The following RABGAP1L variants were observed in gnomAD, a reference collection of about 807,000 sequenced individuals.
RABGAP1L encodes the protein RAB GTPase activating protein 1 like.
In RABGAP1L, 63 loss-of-function variants were observed where a neutral mutation model predicts 137.7. That is an observed-to-expected ratio of 0.46 (90% CI 0.37 to 0.56). RABGAP1L has a LOEUF of 0.56. Ranked by LOEUF, RABGAP1L falls within the 20% of genes least tolerant of loss-of-function variation. The pLI is 0.00. For synonymous variants in RABGAP1L, 431 were observed against 433.7 expected (o/e 0.99, Z 0.08); for missense variants, 1,095 against 1,244.0 (o/e 0.88, Z 1.80).
At chr1:174,652,487 C>T (rs332805) in intron 14 of RABGAP1L, among the ~76,000 whole-genome samples, 88,217 of 152,038 alleles carry the variant, frequency 0.58, 27,921 homozygotes, top group African/African-American at 0.85. Flanking sequence ...GGCGTTTTTG[C>T]GTGGATGTCC....
In RABGAP1L at chr1:174,454,268, AAAG is replaced by A. The variant is rs199568619; in HGVS notation, c.1710+60132_1710+60134del. ...CAGAGTGAGGCTCCATTTCAAAAAAAAAGAAGAAGAATGCGGAATATTTAAAAA... is the reference window on the plus strand; with the variant it reads ...CAGAGTGAGGCTCCATTTCAAAAAAAAAGAAGAATGCGGAATATTTAAAAA... On this transcript the variant is annotated intron_variant, in intron 13 of 25. Coordinates refer to ENST00000681986, the MANE Select transcript of RABGAP1L (RefSeq NM_001366446.1). Among the ~76,000 whole-genome samples the A allele has an allele frequency of 1.1e-3, 162 of 152,308 alleles. No individual in the cohort carries two copies. The East Asian group carries it at 0.024, about 23-fold the overall frequency.
At chr1:174,962,205 C>CCCCCA (rs1553295731) in intron 20 of RABGAP1L, among the ~76,000 whole-genome samples, 1 of 136,732 alleles carries the variant, frequency 7.3e-6, no homozygotes, top group African/African-American at 3.0e-5. Flanking sequence ...CACCCCCCCC[C>CCCCCA]CACACACACA....
chr1:174,174,296 G>T (rs1264025659), intron 1 of RABGAP1L, among the ~76,000 whole-genome samples: 2 of 151,854 alleles, frequency 1.3e-5, no homozygotes, highest in Non-Finnish European at 2.9e-5. Context: ...AGCTTTAAGG[G>T]TATCAAATGT....
intron 12 of RABGAP1L, among the ~76,000 whole-genome samples, chr1:174,371,596 T>A (rs1685115733): frequency 6.6e-6 from 1 of 152,118 alleles, no homozygotes; most frequent in Admixed American, 6.5e-5. Context: ...CTGTTTATAT[T>A]TATTATATTA....
chr1:174,846,307 A>G (rs1694043201), intron 19 of RABGAP1L, among the ~76,000 whole-genome samples: 1 of 147,734 alleles, frequency 6.8e-6, no homozygotes, highest in South Asian at 2.2e-4. Context: ...TAGTTCTTTT[A>G]ATTGTGATGT....
chr1:174,502,658 A>G (rs143277483), intron 13 of RABGAP1L, among the ~76,000 whole-genome samples: 3,899 of 147,512 alleles, frequency 0.026, 183 homozygotes, highest in African/African-American at 0.087. Context: ...GTACATATAT[A>G]TGTGTGTGTG....
At chr1:174,408,699 C>T (rs1374143529) in intron 13 of RABGAP1L, among the ~76,000 whole-genome samples, 1 of 151,546 alleles carries the variant, frequency 6.6e-6, no homozygotes, top group Non-Finnish European at 1.5e-5. Flanking sequence ...TGTTAATTCC[C>T]CTTTCTCTGT....
At chr1:174,322,787 C>T (rs140570432) in intron 11 of RABGAP1L, among the ~76,000 whole-genome samples, 1 of 152,202 alleles carries the variant, frequency 6.6e-6, no homozygotes, top group East Asian at 1.9e-4. Flanking sequence ...GAAGAGATCA[C>T]ATGCAGGAGA....
At chr1:174,856,305 G>A (rs1036004357) in intron 19 of RABGAP1L, among the ~76,000 whole-genome samples, 1 of 151,030 alleles carries the variant, frequency 6.6e-6, no homozygotes, top group African/African-American at 2.4e-5. Flanking sequence ...CTGAGGCAGA[G>A]AATTGCTTGA....
At chr1:174,847,697 TTA>T (rs1273785966) in intron 19 of RABGAP1L, among the ~76,000 whole-genome samples, 2 of 131,328 alleles carry the variant, frequency 1.5e-5, no homozygotes, top group African/African-American at 5.9e-5. Flanking sequence ...AATCTGACAA[TTA>T]TGTGTCTTGG....
intron 12 of RABGAP1L, among the ~76,000 whole-genome samples, chr1:174,385,065 A>G (rs1015554185): frequency 2.6e-5 from 4 of 152,206 alleles, no homozygotes; most frequent in Non-Finnish European, 5.9e-5. Context: ...TTTTAAAAAC[A>G]TCATTCTGAC....
In RABGAP1L at chr1:174,770,032, T is replaced by C. The variant is rs573494827; in HGVS notation, c.2211+17678T>C. 2.6e-5 allele frequency among the ~76,000 whole-genome samples: 4 copies of C among 152,260 alleles called. 1 individual carries two copies. In the South Asian group the frequency reaches 8.3e-4, roughly 32 times the overall value. ...GTAGTTAATATTCATGTTACAAAAA[T>C]AGAAGTCTAAACACCTGAAAAAAAG... On this transcript the variant is annotated intron_variant, in intron 18 of 25. Transcript: ENST00000681986.
At chr1:174,493,503 C>T (rs1398500847) in intron 13 of RABGAP1L, among the ~76,000 whole-genome samples, 1 of 151,760 alleles carries the variant, frequency 6.6e-6, no homozygotes, top group African/African-American at 2.4e-5. Context: ...CATAGCCCTA[C>T]CCAATATTAA....
intron 14 of RABGAP1L, among the ~76,000 whole-genome samples, chr1:174,665,708 G>A (rs961663683): frequency 6.6e-6 from 1 of 152,042 alleles, no homozygotes; most frequent in Non-Finnish European, 1.5e-5. Flanking sequence ...CAGGTGATCC[G>A]CCTGCCTTGG....
intron 11 of RABGAP1L, among the ~76,000 whole-genome samples, chr1:174,305,802 C>T (rs1678176380): frequency 6.6e-6 from 1 of 151,156 alleles, no homozygotes; most frequent in Admixed American, 6.6e-5. Context: ...TTCTAGGGTA[C>T]ATGTGCACAA....
At chr1:174,414,961 A>G (rs773022147) in intron 13 of RABGAP1L, among the ~76,000 whole-genome samples, 1 of 152,034 alleles carries the variant, frequency 6.6e-6, no homozygotes, top group Non-Finnish European at 1.5e-5. Context: ...TGAATTTAAG[A>G]TTATTGTTGG....
intron 18 of RABGAP1L, among the ~76,000 whole-genome samples, chr1:174,770,434 A>G (rs528291820): frequency 6.6e-6 from 1 of 152,192 alleles, no homozygotes; most frequent in Non-Finnish European, 1.5e-5. Context: ...CATATTATAT[A>G]ATACCTTAAA....
Position 174,701,219 on chromosome 1 carries a change from A to G in RABGAP1L, c.2026-894A>G, listed in dbSNP as rs77941290. 1,783 of 1,272,778 alleles carry G rather than the reference A, an allele frequency of 1.4e-3. 64 individuals carry two copies. The East Asian group carries it at 0.078, about 56-fold the overall frequency. 78.8% of individuals were successfully genotyped at this position (1,272,778 alleles called of 1,614,324 possible). ...ACCATTTGCTTGTTTAAATTGGGAG[A>G]AAAAAATAAAGTTACCATAAAGGCA... On this transcript the variant is annotated intron_variant, in intron 16 of 25. Transcript: ENST00000681986.
chr1:174,826,567 A>T (rs989826088), intron 19 of RABGAP1L, among the ~76,000 whole-genome samples: 2 of 152,158 alleles, frequency 1.3e-5, no homozygotes, highest in Non-Finnish European at 2.9e-5. Context: ...CACCTGCTTG[A>T]TTCTAAGTCT....
Sources: allele counts gnomAD v4.1 joint callset (sites outside exome capture counted in the v4.1 genomes callset), GRCh38; gene constraint gnomAD v4.1.1; transcripts MANE v1.5; gene names NCBI Gene and HGNC (gene_info 2026-07-23, HGNC 2026-07-21).